The following APPBP2 variants were observed in gnomAD, a reference collection of about 807,000 sequenced individuals.
The protein encoded by APPBP2 is amyloid protein-binding protein 2.
In APPBP2, 15 loss-of-function variants were observed where a neutral mutation model predicts 76.0. The observed-to-expected ratio is 0.20, with a 90% CI of 0.13 to 0.30. The LOEUF is 0.30. Ranked by LOEUF, APPBP2 falls within the 10% of genes least tolerant of loss-of-function variation. The pLI, the probability that APPBP2 is intolerant of heterozygous loss-of-function variation, is 1.00. For missense variants in APPBP2, 401 were observed against 687.2 expected (o/e 0.58, Z 4.66); for synonymous variants, 222 against 242.2 (o/e 0.92, Z 0.77).
intron 1 of APPBP2, among the ~76,000 whole-genome samples, chr17:60,503,950 T>C (rs558037659): frequency 6.6e-6 from 1 of 152,296 alleles, no homozygotes; most frequent in African/African-American, 2.4e-5. Context: ...ATATTGCCTC[T>C]TGAAGATAAT....
intron 1 of APPBP2, among the ~76,000 whole-genome samples, chr17:60,515,938 G>A (rs2090959636): frequency 6.6e-6 from 1 of 152,210 alleles, no homozygotes. Context: ...GCCGAGACAG[G>A]CAGATCACTT....
intron 1 of APPBP2, 73 bp from the exon 2 acceptor site, chr17:60,500,560 A>G (rs1040510436): frequency 9.5e-7 from 1 of 1,047,372 alleles, no homozygotes; most frequent in Non-Finnish European, 1.4e-6. Flanking sequence ...TATTTGATAA[A>G]TGTAATTTGA....
intron 1 of APPBP2, among the ~76,000 whole-genome samples, chr17:60,517,010 G>C (rs1365480135): frequency 1.3e-5 from 2 of 152,048 alleles, no homozygotes; most frequent in Admixed American, 6.6e-5. Flanking sequence ...TTTTCTCGCT[G>C]TGTCGCCCAG....
chr17:60,463,890 G>A, intron 6 of APPBP2, 131 bp downstream of exon 6: 2 of 565,554 alleles, frequency 3.5e-6, no homozygotes, highest in Non-Finnish European at 5.9e-6. Context: ...AATGAGCACA[G>A]AAACTTATAA....
At chr17:60,454,721 T>C (rs901713499) in intron 10 of APPBP2, among the ~76,000 whole-genome samples, 3 of 152,164 alleles carry the variant, frequency 2.0e-5, no homozygotes, top group African/African-American at 7.2e-5. Context: ...AAAACAATGG[T>C]ATAAACGATT....
In APPBP2 at chr17:60,512,111, T is replaced by A. The variant is rs551578719; in HGVS notation, c.139-11624A>T. ...GTGTTTTTTTATTATTATTATTATTTTCTTTTTTTGAGATGGAGTCTCGCT... is the reference window on the plus strand; with the variant it reads ...GTGTTTTTTTATTATTATTATTATTATCTTTTTTTGAGATGGAGTCTCGCT... On this transcript the variant is annotated intron_variant, in intron 1 of 12. Coordinates refer to ENST00000083182, the MANE Select transcript of APPBP2 (RefSeq NM_006380.5). 4.2e-3 allele frequency among the ~76,000 whole-genome samples: 630 copies of A among 151,700 alleles called. 4 individuals are homozygous for A. The highest frequency in any genetic ancestry group is 0.015 in the African/African-American group (608 of 41,128).
chr17:60,526,085 G>C lies in APPBP2; in HGVS notation c.-154C>G. On this transcript the variant is annotated 5_prime_UTR_variant, in exon 1 of 13. Coordinates refer to ENST00000083182, the MANE Select transcript of APPBP2 (RefSeq NM_006380.5). The stretch of plus-strand genomic sequence containing the variant: ...AAGGCACGGCCGCCCTGCCTCCTCC[G>C]GGGGCAAACTGAGGGACGGCGGCAG... 1.5e-6 allele frequency: 1 copy of C among 689,242 alleles called. No individual in the cohort carries two copies. The highest frequency in any genetic ancestry group is 2.4e-6 in the Non-Finnish European group (1 of 416,158). The allele number at this position is 689,242 out of a possible 1,614,324, so 42.7% of individuals were successfully genotyped here.
chr17:60,495,017 C>T (rs1304218743), intron 2 of APPBP2, among the ~76,000 whole-genome samples: 1 of 141,866 alleles, frequency 7.0e-6, no homozygotes, highest in Non-Finnish European at 1.5e-5. Flanking sequence ...TGGAGTCTCA[C>T]TCTGTTATCC....
intron 3 of APPBP2, among the ~76,000 whole-genome samples, chr17:60,489,495 C>T (rs1339111334): frequency 6.6e-6 from 1 of 151,030 alleles, no homozygotes; most frequent in Non-Finnish European, 1.5e-5. Context: ...CCTGTAGTCC[C>T]AGCTACCTGT....
At chr17:60,523,352 T>C (rs1296683432) in intron 1 of APPBP2, among the ~76,000 whole-genome samples, 1 of 151,444 alleles carries the variant, frequency 6.6e-6, no homozygotes, top group Non-Finnish European at 1.5e-5. Context: ...AAAAATTAGC[T>C]AGGCATGGGT....
chr17:60,513,168 C>A (rs575290608), intron 1 of APPBP2: 5 of 346,634 alleles, frequency 1.4e-5, no homozygotes, highest in Admixed American at 4.7e-5. Flanking sequence ...CTACAGTAAC[C>A]TCATCAGCCT....
rs2090336681 is a variant in APPBP2, at chr17:60,445,264, A to C, written c.*2317T>G. On this transcript the variant is annotated 3_prime_UTR_variant, in exon 13 of 13. Coordinates refer to ENST00000083182, the MANE Select transcript of APPBP2 (RefSeq NM_006380.5). ...CAATAATGATGTTTCAAAAAAACAC[A>C]ACTGGCTGCCAATTGACATTATCAC... 1 of 152,628 alleles carries C rather than the reference A, an allele frequency of 6.6e-6. No homozygotes were observed. Among genetic ancestry groups the C allele is most frequent in the African/African-American group, 2.4e-5 (1 of 41,432 alleles). 9.5% of individuals were successfully genotyped at this position (152,628 alleles called of 1,614,324 possible).
chr17:60,485,023 T>C (rs1486445435), intron 3 of APPBP2, among the ~76,000 whole-genome samples: 2 of 152,226 alleles, frequency 1.3e-5, no homozygotes, highest in Admixed American at 6.5e-5. Flanking sequence ...GATTTGCATA[T>C]GTTGAACCAG....
At chr17:60,508,091 G>A (rs547490161) in intron 1 of APPBP2, among the ~76,000 whole-genome samples, 23 of 152,022 alleles carry the variant, frequency 1.5e-4, no homozygotes, top group Non-Finnish European at 3.2e-4. Context: ...TCCAGCCTCA[G>A]CCTCCGGAGT....
chr17:60,464,760 G>A (rs73326453), intron 5 of APPBP2: 12,507 of 152,298 alleles, frequency 0.082, 1,698 homozygotes, highest in African/African-American at 0.28. Context: ...AAAATAAATT[G>A]TCTTAGGCTG....
chr17:60,500,551 A>G, intron 1 of APPBP2, 64 bp from the exon 2 acceptor site: 1 of 1,124,414 alleles, frequency 8.9e-7, no homozygotes, highest in East Asian at 2.5e-5. Flanking sequence ...CTTTAATCAT[A>G]TTTGATAAAT....
intron 9 of APPBP2, among the ~76,000 whole-genome samples, chr17:60,457,186 C>T (rs1007709985): frequency 2.7e-5 from 4 of 150,922 alleles, no homozygotes; most frequent in African/African-American, 4.9e-5. Context: ...TACTCTTCTT[C>T]ACAACATGTA....
At chr17:60,490,207 C>T (rs1383218348) in intron 3 of APPBP2, among the ~76,000 whole-genome samples, 1 of 152,092 alleles carries the variant, frequency 6.6e-6, no homozygotes, top group Non-Finnish European at 1.5e-5. Context: ...CTGGTGAAAA[C>T]TAAGTAAGGC....
intron 4 of APPBP2, among the ~76,000 whole-genome samples, chr17:60,472,261 T>C (rs73326486): frequency 0.082 from 12,519 of 152,294 alleles, 1,703 homozygotes; most frequent in African/African-American, 0.28. Flanking sequence ...CTTTAAATGT[T>C]TGATAGAATT....
Sources: gnomAD v4.1 joint callset for allele counts (sites outside exome capture counted in the v4.1 genomes callset) on GRCh38, gnomAD v4.1.1 for gene constraint, MANE v1.5 for transcripts, NCBI Gene and HGNC (gene_info 2026-07-23, HGNC 2026-07-21) for gene names.